HSPH1: variants seen among roughly 807,000 people sequenced by gnomAD.
The protein encoded by HSPH1 is heat shock protein 105 kDa.
Under a neutral mutation model 100.0 loss-of-function variants are expected in HSPH1, and 40 were observed. That is an observed-to-expected ratio of 0.40 (90% CI 0.31 to 0.52). The LOEUF (loss-of-function observed/expected upper bound fraction) is 0.52, where lower values mean the gene tolerates loss of function less well. HSPH1 is among the 20% of genes least tolerant of loss of function. HSPH1 has a pLI of 0.54. For synonymous variants in HSPH1, 403 were observed against 344.0 expected, an observed-to-expected ratio of 1.17 and a Z score of -1.90; for missense variants, 876 against 1,015.1, an observed-to-expected ratio of 0.86 and a Z score of 1.86.
chr13:31,150,890 T>C lies in HSPH1; in HGVS notation c.908+57A>G, dbSNP rs534206612. On this transcript the variant is annotated intron_variant, in intron 7 of 17. Transcript: ENST00000320027. ...CACAACACCCACTAGAACTGACACC[T>C]GGGCTACAGTTTCAAAAGAAGTTCC... 132 of 1,533,832 alleles carry C rather than the reference T, an allele frequency of 8.6e-5. No homozygotes were observed. In the Middle Eastern group the frequency reaches 1.4e-3, roughly 16 times the overall value.
intron 4 of HSPH1, 41 bp downstream of exon 4, chr13:31,154,592 A>G: frequency 6.2e-7 from 1 of 1,612,714 alleles, no homozygotes. Flanking sequence ...AAAGAACGCA[A>G]AAATGAAATA....
intron 2 of HSPH1, among the ~76,000 whole-genome samples, chr13:31,156,839 CGTTT>C (rs1956716752): frequency 6.6e-6 from 1 of 152,116 alleles, no homozygotes; most frequent in African/African-American, 2.4e-5. Context: ...AACTGGCGCA[CGTTT>C]GTTAAACTGT....
At position 31,135,625 on chromosome 13, in the gene HSPH1, A is replaced by G. The variant is rs1320516260; in HGVS notation, c.*1693T>C. ...GTTGAAGCACCTATCAGACGTACAA[A>G]TGACGAGCTACCTGGTCTAGATGGA... On this transcript the variant is annotated 3_prime_UTR_variant, in exon 18 of 18. Coordinates refer to ENST00000320027, the MANE Select transcript of HSPH1 (RefSeq NM_006644.4). 3 of 152,232 alleles carry G rather than the reference A, an allele frequency of 2.0e-5. No homozygotes were observed. The highest frequency in any genetic ancestry group is 4.4e-5 in the Non-Finnish European group (3 of 68,032). The allele number at this position is 152,232 out of a possible 1,614,324, so 9.4% of individuals were successfully genotyped here. A position where few individuals can be genotyped will look rare whatever the true frequency, so the allele number is the denominator to read the frequency against.
At position 31,137,357 on chromosome 13, in the gene HSPH1, G is replaced by A. The variant is rs777270681; in HGVS notation, c.2538C>T (p.Tyr846=). 1 of 1,612,612 alleles carries A rather than the reference G, an allele frequency of 6.2e-7. No homozygotes were observed. Among genetic ancestry groups the A allele is most frequent in the East Asian group, 2.2e-5 (1 of 44,850 alleles). Residue 846 remains tyrosine (Y), a synonymous_variant, in exon 18 of 18, where the codon TAC becomes TAT. Transcript: ENST00000320027. ...TATTAACAGAATTTTTCTCATTAGGGTAACATTCACCATTCTGATGTGGAG... is the reference window on the plus strand; with the variant it reads ...TATTAACAGAATTTTTCTCATTAGGATAACATTCACCATTCTGATGTGGAG... ...AEPPHQNGEC[Y]PNEKNSVNMD... is the part of the protein sequence containing the mutation.
chr13:31,154,560 A>C, intron 4 of HSPH1, 73 bp downstream of exon 4: 1 of 1,552,162 alleles, frequency 6.4e-7, no homozygotes, highest in Non-Finnish European at 8.9e-7. Flanking sequence ...GCTTTCCCAC[A>C]TTTCATACTT....
chr13:31,140,159 A>G (rs200665817), intron 14 of HSPH1, 25 bp downstream of exon 14: 321 of 1,596,384 alleles, frequency 2.0e-4, no homozygotes, highest in Non-Finnish European at 2.5e-4. Flanking sequence ...GACTATCTGA[A>G]CAAAAACAGA....
At chr13:31,137,725 T>C (rs551009251) in intron 17 of HSPH1, among the ~76,000 whole-genome samples, 2 of 152,284 alleles carry the variant, frequency 1.3e-5, no homozygotes, top group South Asian at 4.1e-4. Flanking sequence ...CAGGATGTGT[T>C]AGGACTATGT....
At chr13:31,152,535 A>G (rs952997638) in intron 5 of HSPH1, 1 of 230,992 alleles carries the variant, frequency 4.3e-6, no homozygotes, top group African/African-American at 2.3e-5. Flanking sequence ...GTAGTTTTGA[A>G]GCCCAGAATT....
At chr13:31,137,548 T>C (rs774717406) in intron 17 of HSPH1, 24 bp from the exon 18 acceptor site, 2 of 1,538,204 alleles carry the variant, frequency 1.3e-6, no homozygotes, top group Non-Finnish European at 1.8e-6. Flanking sequence ...AAACTAGTTA[T>C]CAGATTAACT....
At position 31,150,097 on chromosome 13, in the gene HSPH1, C is replaced by T. The variant is rs1210946963; in HGVS notation, c.994G>A (p.Val332Ile). 3 of 1,613,674 alleles carry T rather than the reference C, an allele frequency of 1.9e-6. No homozygotes were observed. Among genetic ancestry groups the T allele is most frequent in the Middle Eastern group, 1.7e-4 (1 of 6,054 alleles). ...ATCTCAACTGCACTCACATCTTCTA[C>T]TTTGAGATGAGTTTGTTCCAACAGT... ...YSLLEQTHLK[V>I]EDVSAVEIVG... The change falls in exon 8 of 18, where the codon GTA becomes ATA. Residue 332 changes from valine (V) to isoleucine (I), a missense_variant. By Grantham distance (29) the Val-to-Ile change is conservative (BLOSUM62 3). Coordinates refer to ENST00000320027, the MANE Select transcript of HSPH1 (RefSeq NM_006644.4).
At chr13:31,156,490 G>C (rs1351488325) in intron 2 of HSPH1, among the ~76,000 whole-genome samples, 1 of 152,096 alleles carries the variant, frequency 6.6e-6, no homozygotes, top group Non-Finnish European at 1.5e-5. Flanking sequence ...CTGGAACCTG[G>C]GAGGCAGAAG....
chr13:31,154,774 A>C lies in HSPH1; in HGVS notation c.307-19T>G, dbSNP rs1031027547. On this transcript the variant is annotated intron_variant, in intron 3 of 17. Coordinates refer to ENST00000320027, the MANE Select transcript of HSPH1 (RefSeq NM_006644.4). ...ACATTACCTATATTGAAGGGAAAAA[A>C]TGTTTTAAACATTGTAGTACTTTAA... 2.3e-5 allele frequency: 37 copies of C among 1,607,166 alleles called. No individual in the cohort carries two copies. The highest frequency in any genetic ancestry group is 3.0e-5 in the Non-Finnish European group (35 of 1,175,368).
chr13:31,156,916 T>G (rs1022654092), intron 2 of HSPH1, among the ~76,000 whole-genome samples: 1 of 152,208 alleles, frequency 6.6e-6, no homozygotes, highest in African/African-American at 2.4e-5. Context: ...AACTCTAGAT[T>G]GAAAAGCCCC....
intron 17 of HSPH1, among the ~76,000 whole-genome samples, chr13:31,138,187 A>T (rs1955954840): frequency 6.6e-6 from 1 of 152,148 alleles, no homozygotes; most frequent in African/African-American, 2.4e-5. Context: ...GTGCTCAACA[A>T]ATACACTTGT....
At position 31,150,979 on chromosome 13, in the gene HSPH1, C is replaced by A; in HGVS notation, c.876G>T (p.Met292Ile). The change falls in exon 7 of 18, where the codon ATG becomes ATT. Residue 292 changes from methionine (M) to isoleucine (I), a missense_variant. Coordinates refer to ENST00000320027, the MANE Select transcript of HSPH1 (RefSeq NM_006644.4). Reference sequence around the variant, plus strand: ...TCTTTCCGGAAACATCTTTATCATTCATAAAGCATTCGATATTCAGTGGAA... The same window carrying A: ...TCTTTCCGGAAACATCTTTATCATTAATAAAGCATTCGATATTCAGTGGAA... The part of the protein sequence containing the change: ...TDLPLNIECF[M>I]NDKDVSGKMN... 1 of 1,612,674 alleles carries A rather than the reference C, an allele frequency of 6.2e-7. No individual in the cohort carries two copies. Among genetic ancestry groups the A allele is most frequent in the South Asian group, 1.1e-5 (1 of 90,846 alleles).
In HSPH1 at chr13:31,138,976, C is replaced by CT. The variant is rs549081113; in HGVS notation, c.2088+23dup. On this transcript the variant is annotated intron_variant, in intron 15 of 17. Coordinates refer to ENST00000320027, the MANE Select transcript of HSPH1 (RefSeq NM_006644.4). The stretch of plus-strand genomic sequence containing the variant: ...CTATAGTTTAAAACACAAGTACCAC[C>CT]TTTTGGGGGAGAAAACGACCTACCA... 309 of 1,592,534 alleles carry CT rather than the reference C, an allele frequency of 1.9e-4. No homozygotes were observed. The African/African-American group carries it at 3.6e-3, about 19-fold the overall frequency.
intron 2 of HSPH1, among the ~76,000 whole-genome samples, chr13:31,155,928 G>GC (rs1250963663): frequency 1.3e-5 from 2 of 152,174 alleles, no homozygotes; most frequent in Non-Finnish European, 2.9e-5. Context: ...TTCAAAATCT[G>GC]CAAGATAAAC....
At chr13:31,146,280 T>A (rs145908112) in intron 10 of HSPH1, among the ~76,000 whole-genome samples, 56 of 152,316 alleles carry the variant, frequency 3.7e-4, no homozygotes, top group African/African-American at 1.3e-3. Context: ...ACTATAACTA[T>A]GACCTCTTAA....
rs1300076858 is a variant in HSPH1 at position 31,148,088 on chromosome 13, G to C, written c.1249C>G (p.His417Asp). Reference sequence around the variant, plus strand: ...GCATGGTTTCGACTAAAGACTTCATGAACACTAGAGAGAAAAGAAAAAGGC... The same window carrying C: ...GCATGGTTTCGACTAAAGACTTCATCAACACTAGAGAGAAAAGAAAAAGGC... The part of the protein sequence containing the change: ...NHDSEDTEGV[H>D]EVFSRNHAAP... Residue 417 changes from histidine (H) to aspartate (D), a missense_variant, in exon 10 of 18, where the codon CAT becomes GAT. Coordinates refer to ENST00000320027, the MANE Select transcript of HSPH1 (RefSeq NM_006644.4). 6.2e-7 allele frequency: 1 copy of C among 1,604,838 alleles called. No homozygotes were observed. The highest frequency in any genetic ancestry group is 1.4e-5 in the African/African-American group (1 of 73,992).
Sources: allele counts gnomAD v4.1 joint callset (sites outside exome capture counted in the v4.1 genomes callset), GRCh38; gene constraint gnomAD v4.1.1; transcripts MANE v1.5; gene names NCBI Gene and HGNC (gene_info 2026-07-23, HGNC 2026-07-21).